CACNG2: variants seen among roughly 807,000 people sequenced by gnomAD.
CACNG2 encodes the protein voltage-dependent calcium channel gamma-2 subunit.
In CACNG2, 3 loss-of-function variants were observed where a neutral mutation model predicts 25.9. The observed-to-expected ratio is 0.12, with a 90% CI of 0.05 to 0.30. CACNG2 has a LOEUF of 0.30. Ranked by LOEUF, CACNG2 falls within the 10% of genes least tolerant of loss-of-function variation. The probability of loss-of-function intolerance (pLI) is 1.00; values close to 1 mark genes in which losing one functional copy is unlikely to be tolerated. For missense variants in CACNG2, 341 were observed against 432.5 expected (o/e 0.79, Z 1.88); for synonymous variants, 167 against 173.3 (o/e 0.96, Z 0.29).
intron 1 of CACNG2, among the ~76,000 whole-genome samples, chr22:36,596,403 C>CGT (rs1461052309): frequency 6.6e-6 from 1 of 152,204 alleles, no homozygotes; most frequent in Non-Finnish European, 1.5e-5. Context: ...AACAACAGAA[C>CGT]GTGTGGCATC....
At chr22:36,571,725 A>G (rs867629462) in intron 2 of CACNG2, among the ~76,000 whole-genome samples, 55 of 151,730 alleles carry the variant, frequency 3.6e-4, no homozygotes, top group African/African-American at 1.3e-3. Context: ...AAAAATAAAA[A>G]AATTAGCTGG....
intron 1 of CACNG2, among the ~76,000 whole-genome samples, chr22:36,632,566 C>T (rs1936291554): frequency 6.6e-6 from 1 of 151,588 alleles, no homozygotes; most frequent in African/African-American, 2.4e-5. Context: ...TCTCATGACT[C>T]ATGATGTGGT....
chr22:36,677,720 A>C (rs1937037610), intron 1 of CACNG2, among the ~76,000 whole-genome samples: 2 of 152,178 alleles, frequency 1.3e-5, no homozygotes, highest in African/African-American at 4.8e-5. Flanking sequence ...AGAAATATAC[A>C]CTGGCATGTG....
chr22:36,661,755 C>T (rs1223344808), intron 1 of CACNG2, among the ~76,000 whole-genome samples: 1 of 152,048 alleles, frequency 6.6e-6, no homozygotes, highest in Admixed American at 6.5e-5. Flanking sequence ...GGATTGGAGG[C>T]AAGGTGGCCT....
rs1935102215 is a variant in CACNG2, at chr22:36,564,974, G to A, written c.437-88C>T. On this transcript the variant is annotated intron_variant, in intron 3 of 3. Transcript: ENST00000300105. The surrounding 1 kb of genome is among the most constrained non-coding windows in gnomAD (Gnocchi z 6.7). ...CGGCCACAGGGCAGCCGTAAAGGAC[G>A]GGGACAGCTGTGTGGGCCTTCCCCG... 3 of 1,235,376 alleles carry A rather than the reference G, an allele frequency of 2.4e-6. No homozygotes were observed. Among genetic ancestry groups the A allele is most frequent in the Non-Finnish European group, 2.3e-6 (2 of 851,252 alleles). 76.5% of individuals were successfully genotyped at this position (1,235,376 alleles called of 1,614,324 possible). A position where few individuals can be genotyped will look rare whatever the true frequency, so the allele number is the denominator to read the frequency against.
chr22:36,662,005 A>G (rs1936806150), intron 1 of CACNG2, among the ~76,000 whole-genome samples: 2 of 95,152 alleles, frequency 2.1e-5, no homozygotes, highest in Admixed American at 1.7e-4. Context: ...TTTCAGACGG[A>G]GTCTCCCTCT....
chr22:36,647,482 G>C (rs1384109901), intron 1 of CACNG2, among the ~76,000 whole-genome samples: 2 of 152,092 alleles, frequency 1.3e-5, no homozygotes, highest in Admixed American at 1.3e-4. Context: ...TATAATCCCA[G>C]CTACTCGGGA....
At chr22:36,605,298 C>T (rs1379923514) in intron 1 of CACNG2, among the ~76,000 whole-genome samples, 2 of 152,112 alleles carry the variant, frequency 1.3e-5, no homozygotes, top group African/African-American at 4.8e-5. Context: ...TGGTCACGAA[C>T]CCTTGGCCTC....
At chr22:36,696,950 G>A (rs1488095955) in intron 1 of CACNG2, among the ~76,000 whole-genome samples, 1 of 152,182 alleles carries the variant, frequency 6.6e-6, no homozygotes, top group Non-Finnish European at 1.5e-5. Context: ...ACCCAGGTCT[G>A]TGTGGCATCA....
At chr22:36,596,813 A>C (rs1281173078) in intron 1 of CACNG2, among the ~76,000 whole-genome samples, 1 of 152,114 alleles carries the variant, frequency 6.6e-6, no homozygotes, top group Admixed American at 6.6e-5. Flanking sequence ...GCTGGAGTGC[A>C]GGGGTGTGAT....
chr22:36,621,914 G>A (rs1936111733), intron 1 of CACNG2, among the ~76,000 whole-genome samples: 2 of 152,222 alleles, frequency 1.3e-5, no homozygotes, highest in Non-Finnish European at 2.9e-5. Context: ...AAACCATACT[G>A]TTTTCCAGCA....
chr22:36,616,492 C>T (rs1048223522), intron 1 of CACNG2, among the ~76,000 whole-genome samples: 2 of 152,208 alleles, frequency 1.3e-5, no homozygotes, highest in Non-Finnish European at 2.9e-5. Flanking sequence ...TCCCATTCAC[C>T]TGTCTCCCCA....
intron 1 of CACNG2, among the ~76,000 whole-genome samples, chr22:36,700,230 A>G (rs984370601): frequency 1.9e-4 from 29 of 152,248 alleles, no homozygotes; most frequent in Admixed American, 1.9e-3. Flanking sequence ...AGAGAAAGTT[A>G]AAGGGGGTGG....
intron 1 of CACNG2, among the ~76,000 whole-genome samples, chr22:36,688,518 C>A (rs927954943): frequency 7.5e-6 from 1 of 132,682 alleles, no homozygotes; most frequent in South Asian, 2.3e-4. Flanking sequence ...ACAGCCTGGG[C>A]GACAGAGTGA....
At position 36,564,083 on chromosome 22, in the gene CACNG2, T is replaced by G; in HGVS notation, c.*268A>C. Reference sequence around the variant, plus strand: ...CTCTCGCTTTTTTTTAAAGTTTGTTTTCTTCCCTCGTTTATATTTTCCCAC... The same window carrying G: ...CTCTCGCTTTTTTTTAAAGTTTGTTGTCTTCCCTCGTTTATATTTTCCCAC... On this transcript the variant is annotated 3_prime_UTR_variant, in exon 4 of 4. Transcript: ENST00000300105. This position sits in a 1 kb window ranked among gnomAD's most constrained non-coding sequence, Gnocchi z 6.7. 3.0e-6 allele frequency: 1 copy of G among 333,436 alleles called. No individual in the cohort carries two copies. 20.7% of individuals were successfully genotyped at this position (333,436 alleles called of 1,614,324 possible).
At chr22:36,595,605 T>A (rs1935666912) in intron 1 of CACNG2, among the ~76,000 whole-genome samples, 3 of 151,076 alleles carry the variant, frequency 2.0e-5, no homozygotes, top group Admixed American at 6.6e-5. Context: ...GCTGGGTGGG[T>A]GAGGGTGAGG....
At chr22:36,643,989 C>T (rs1936482778) in intron 1 of CACNG2, among the ~76,000 whole-genome samples, 1 of 152,154 alleles carries the variant, frequency 6.6e-6, no homozygotes, top group Non-Finnish European at 1.5e-5. Context: ...CTGTTCTAAC[C>T]ATGAACTTCA....
intron 1 of CACNG2, among the ~76,000 whole-genome samples, chr22:36,667,713 C>A (rs1480761673): frequency 6.6e-6 from 1 of 152,120 alleles, no homozygotes; most frequent in East Asian, 1.9e-4. Context: ...TACATTTCGC[C>A]TTCATGTCGC....
intron 1 of CACNG2, among the ~76,000 whole-genome samples, chr22:36,700,348 C>T (rs1319911923): frequency 6.6e-6 from 1 of 152,196 alleles, no homozygotes; most frequent in South Asian, 2.1e-4. Context: ...TGTTTGCCTT[C>T]TGGGAATTAC....
Sources: gnomAD v4.1 joint callset for allele counts (sites outside exome capture counted in the v4.1 genomes callset) on GRCh38, gnomAD v4.1.1 for gene constraint, Gnocchi (gnomAD v3.1) non-coding constraint, MANE v1.5 for transcripts, NCBI Gene and HGNC (gene_info 2026-07-23, HGNC 2026-07-21) for gene names.